Variants in ITGA11 observed in about 807,000 individuals in gnomAD.
ITGA11 encodes integrin subunit alpha 11, also known as integrin alpha-11.
In ITGA11, 97 loss-of-function variants were observed where a neutral mutation model predicts 141.9. The ratio of observed to expected loss-of-function variants is 0.68; its 90% CI spans 0.58 to 0.81. The LOEUF is 0.81. Ranked by LOEUF, ITGA11 falls within the 30% of genes least tolerant of loss-of-function variation. ITGA11 has a pLI of 0.00. For synonymous variants in ITGA11, 658 were observed against 624.6 expected (o/e 1.05, Z -0.80); for missense variants, 1,387 against 1,559.2 (o/e 0.89, Z 1.86).
intron 26 of ITGA11, among the ~76,000 whole-genome samples, chr15:68,309,491 CCAT>C (rs1893307916): frequency 6.6e-6 from 1 of 151,922 alleles, no homozygotes. Context: ...CAACATAAGC[CCAT>C]CAAGTTCAAG....
Position 68,351,330 on chromosome 15 carries a change from G to A in ITGA11, c.822C>T (p.Ser274=). 1 of 1,613,950 alleles carries A rather than the reference G, an allele frequency of 6.2e-7. No homozygotes were observed. The highest frequency in any genetic ancestry group is 8.5e-7 in the Non-Finnish European group (1 of 1,179,852). The part of the protein sequence containing the change: ...KVMIVITDGE[S]HDSPDLEKVI... ...CCTTCTCCAGGTCTGGGCTGTCGTG[G>A]GACTCCCCATCTGTGATGACAATCA... Residue 274 remains serine (S), a synonymous_variant, in exon 8 of 30, where the codon TCC becomes TCT. Coordinates refer to ENST00000315757, the MANE Select transcript of ITGA11 (RefSeq NM_001004439.2).
chr15:68,391,207 G>A (rs1430616709), intron 2 of ITGA11, among the ~76,000 whole-genome samples: 1 of 152,158 alleles, frequency 6.6e-6, no homozygotes, highest in African/African-American at 2.4e-5. Context: ...TCAGCTCTCG[G>A]GGTCCCCAAG....
Position 68,350,650 on chromosome 15 carries a change from C to T in ITGA11, c.1027G>A (p.Asp343Asn), listed in dbSNP as rs371438972. Residue 343 changes from aspartate (D) to asparagine (N), a missense_variant, in exon 9 of 30, where the codon GAT becomes AAT. Transcript: ENST00000315757. ...CTGAAGATTCTGTCCCCCAGGGCAT[C>T]GACAATGTCCTTCAAGGCAGCCTCA... Reference protein sequence around the residue: ...TDEAALKDIVDALGDRIFSLE... With the variant: ...TDEAALKDIVNALGDRIFSLE... 1.7e-5 allele frequency: 28 copies of T among 1,613,702 alleles called. No homozygotes were observed. The highest frequency in any genetic ancestry group is 2.1e-5 in the Non-Finnish European group (25 of 1,179,808).
intron 4 of ITGA11, among the ~76,000 whole-genome samples, chr15:68,362,869 G>GATACAT (rs1895292140): frequency 6.6e-6 from 1 of 152,044 alleles, no homozygotes; most frequent in Non-Finnish European, 1.5e-5. Flanking sequence ...ATGTATGAAT[G>GATACAT]GGTGGATGAA....
intron 20 of ITGA11, among the ~76,000 whole-genome samples, chr15:68,319,759 C>T (rs1377556717): frequency 1.3e-5 from 2 of 152,078 alleles, no homozygotes; most frequent in African/African-American, 4.8e-5. Flanking sequence ...GGTATTCCTC[C>T]CTGTGTTCCC....
chr15:68,407,959 C>T (rs955171199), intron 1 of ITGA11, among the ~76,000 whole-genome samples: 10 of 152,232 alleles, frequency 6.6e-5, no homozygotes, highest in African/African-American at 2.4e-4. Flanking sequence ...GCTTAAGGAG[C>T]GTCTGCTGTG....
At position 68,372,455 on chromosome 15, in the gene ITGA11, G is replaced by A. The variant is rs527268594; in HGVS notation, c.165-3171C>T. Among the ~76,000 whole-genome samples, 21 of 152,332 alleles carry A rather than the reference G, an allele frequency of 1.4e-4. No homozygotes were observed. The East Asian group carries it at 4.0e-3, about 29-fold the overall frequency. On this transcript the variant is annotated intron_variant, in intron 2 of 29. Transcript: ENST00000315757. ...CGGCACAGCAAACCCCAAAGGTCGT[G>A]GCGAGCATCCGGCCCTTTCCATTGG...
At chr15:68,356,996 G>A (rs762655287) in intron 7 of ITGA11, 155 bp downstream of exon 7, 15 of 694,310 alleles carry the variant, frequency 2.2e-5, no homozygotes, top group Admixed American at 1.5e-4. Flanking sequence ...AGAGAAAACC[G>A]ACCAGCTGAG....
intron 28 of ITGA11, among the ~76,000 whole-genome samples, chr15:68,306,973 T>A (rs1893220270): frequency 6.6e-6 from 1 of 152,268 alleles, no homozygotes; most frequent in Non-Finnish European, 1.5e-5. Flanking sequence ...TGGGCTTTTC[T>A]TTAAGACCTC....
intron 28 of ITGA11, among the ~76,000 whole-genome samples, chr15:68,306,472 T>C (rs1171200293): frequency 2.6e-5 from 4 of 152,194 alleles, no homozygotes; most frequent in Non-Finnish European, 4.4e-5. Context: ...TCGCTCGGAA[T>C]CGCTCCCCTC....
intron 1 of ITGA11, among the ~76,000 whole-genome samples, chr15:68,426,095 G>A (rs1897136064): frequency 6.6e-6 from 1 of 152,164 alleles, no homozygotes; most frequent in African/African-American, 2.4e-5. Flanking sequence ...TAAGTGGTTG[G>A]ACTACACCAG....
chr15:68,399,310 G>A (rs10400907), intron 2 of ITGA11, among the ~76,000 whole-genome samples: 58,908 of 151,918 alleles, frequency 0.39, 11,975 homozygotes, highest in African/African-American at 0.5. Context: ...TTATTAAAAT[G>A]CTCCAGAGTA....
chr15:68,351,458 C>G (rs1894910306), intron 7 of ITGA11, 56 bp from the exon 8 acceptor site: 1 of 1,580,212 alleles, frequency 6.3e-7, no homozygotes, highest in Admixed American at 1.8e-5. Flanking sequence ...TGGGGCAGCC[C>G]CTGACGCTCC....
rs896984716 is a variant in ITGA11 at position 68,305,716 on chromosome 15, TGA to T, written c.3381+1630_3381+1631del. Among the ~76,000 whole-genome samples the T allele has an allele frequency of 9.8e-5, 15 of 152,304 alleles. No homozygotes were observed. Among genetic ancestry groups the T allele is most frequent in the South Asian group, 6.2e-4 (3 of 4,824 alleles). On this transcript the variant is annotated intron_variant, in intron 28 of 29. Coordinates refer to ENST00000315757, the MANE Select transcript of ITGA11 (RefSeq NM_001004439.2). This position sits in a 1 kb window ranked among gnomAD's most constrained non-coding sequence, Gnocchi z 4.6. ...GGGTGGGGACAGTGCCTCACAGTGTTGAGAGGTCTGTCACCATGTTCAGCACA... is the reference window on the plus strand; with the variant it reads ...GGGTGGGGACAGTGCCTCACAGTGTTGAGGTCTGTCACCATGTTCAGCACA...
rs1220006288 is a variant in ITGA11 at position 68,396,786 on chromosome 15, A to G, written c.164+6132T>C. On this transcript the variant is annotated intron_variant, in intron 2 of 29. Coordinates refer to ENST00000315757, the MANE Select transcript of ITGA11 (RefSeq NM_001004439.2). ...TTTTATGTACTAGTAAAAAAGATTG[A>G]AAAATGAAATAAGTATTTCATTTGT... 2.0e-5 allele frequency among the ~76,000 whole-genome samples: 3 copies of G among 147,532 alleles called. No homozygotes were observed. In the South Asian group the frequency reaches 6.3e-4, roughly 31 times the overall value.
chr15:68,432,135 T>A lies in ITGA11; in HGVS notation c.-69A>T. On this transcript the variant is annotated 5_prime_UTR_variant, in exon 1 of 30. Coordinates refer to ENST00000315757, the MANE Select transcript of ITGA11 (RefSeq NM_001004439.2). ...GGGGCGGCAAGCCAGAGCGGCAGCC[T>A]CCTCGGCGCGGCGCCTGCAGCCTGC... 1 of 1,209,704 alleles carries A rather than the reference T, an allele frequency of 8.3e-7. No homozygotes were observed. Among genetic ancestry groups the A allele is most frequent in the South Asian group, 2.7e-5 (1 of 37,280 alleles). The allele number at this position is 1,209,704 out of a possible 1,614,324, so 74.9% of individuals were successfully genotyped here.
chr15:68,408,200 C>T (rs1896691791), intron 1 of ITGA11, among the ~76,000 whole-genome samples: 1 of 152,122 alleles, frequency 6.6e-6, no homozygotes, highest in Non-Finnish European at 1.5e-5. Flanking sequence ...TGATGAGCTT[C>T]CCATCACCTT....
chr15:68,358,621 A>G (rs1418177163), intron 5 of ITGA11, 36 bp from the exon 6 acceptor site: 1 of 1,590,542 alleles, frequency 6.3e-7, no homozygotes, highest in Non-Finnish European at 8.6e-7. Context: ...CTACCCAAGG[A>G]GCAGTGTCTG....
intron 7 of ITGA11, among the ~76,000 whole-genome samples, chr15:68,354,779 A>T (rs1259573008): frequency 6.6e-6 from 1 of 152,144 alleles, no homozygotes; most frequent in Non-Finnish European, 1.5e-5. Flanking sequence ...CAGCCCTCCC[A>T]TCAGTGGCCA....
Sources: allele counts gnomAD v4.1 joint callset (sites outside exome capture counted in the v4.1 genomes callset), GRCh38; gene constraint gnomAD v4.1.1; non-coding constraint Gnocchi (gnomAD v3.1); transcripts MANE v1.5; gene names NCBI Gene and HGNC (gene_info 2026-07-23, HGNC 2026-07-21).